The following MATN2 variants were observed in gnomAD, a reference collection of about 807,000 sequenced individuals.
MATN2 encodes matrilin 2, also known as matrilin-2.
MATN2 carries 69 observed loss-of-function variants against 103.2 expected under a neutral mutation model. The ratio of observed to expected loss-of-function variants is 0.67; its 90% CI spans 0.55 to 0.82. MATN2 has a LOEUF of 0.82. Among genes scored for constraint, MATN2 ranks in the 40% least tolerant of loss-of-function variants. The pLI is 0.00. For synonymous variants in MATN2, 429 were observed against 450.2 expected (o/e 0.95, Z 0.60); for missense variants, 1,023 against 1,211.5 (o/e 0.84, Z 2.31).
chr8:97,939,575 C>T (rs1228382354), intron 3 of MATN2, among the ~76,000 whole-genome samples: 2 of 152,020 alleles, frequency 1.3e-5, no homozygotes, highest in Non-Finnish European at 2.9e-5. Context: ...ACTGGAGCCC[C>T]GGAGATTGAG....
chr8:97,873,058 G>T (rs60717397), intron 1 of MATN2, among the ~76,000 whole-genome samples: 3 of 152,148 alleles, frequency 2.0e-5, no homozygotes, highest in African/African-American at 7.2e-5. Context: ...TCCTCCCAAA[G>T]TCCTGGGATC....
In MATN2 at chr8:98,005,777, G is replaced by A. The variant is rs1812947040; in HGVS notation, c.1328-1328G>A. On this transcript the variant is annotated intron_variant, in intron 8 of 18. Transcript: ENST00000254898. This position sits in a 1 kb window ranked among gnomAD's most constrained non-coding sequence, Gnocchi z 4.6. ...TGCATCCTCACAGCCGCCCTACTGG[G>A]CACCCACATTCTTGTCGCTATTTAA... 6.6e-6 allele frequency among the ~76,000 whole-genome samples: 1 copy of A among 152,166 alleles called. No homozygotes were observed. Among genetic ancestry groups the A allele is most frequent in the African/African-American group, 2.4e-5 (1 of 41,444 alleles).
intron 6 of MATN2, among the ~76,000 whole-genome samples, chr8:97,988,823 A>G (rs1290598187): frequency 1.3e-5 from 2 of 152,226 alleles, no homozygotes; most frequent in Non-Finnish European, 2.9e-5. Context: ...AAGAAAGAAC[A>G]ATTTTCAACT....
chr8:97,954,496 G>A (rs915966238), intron 4 of MATN2, among the ~76,000 whole-genome samples: 3 of 152,188 alleles, frequency 2.0e-5, no homozygotes, highest in Admixed American at 2.0e-4. Flanking sequence ...TTTCCATGGT[G>A]TAAATACTCC....
intron 3 of MATN2, among the ~76,000 whole-genome samples, chr8:97,933,263 G>T (rs1363125440): frequency 6.6e-6 from 1 of 152,194 alleles, no homozygotes; most frequent in Non-Finnish European, 1.5e-5. Context: ...GCCTAAGTCA[G>T]CTGGAACACT....
intron 6 of MATN2, among the ~76,000 whole-genome samples, chr8:97,990,179 C>CAAAAA (rs34924183): frequency 7.1e-4 from 32 of 45,204 alleles, no homozygotes; most frequent in Admixed American, 1.2e-3. Context: ...AAGACTCTGT[C>CAAAAA]AAAAAAAAAA....
intron 5 of MATN2, among the ~76,000 whole-genome samples, chr8:97,973,445 T>C (rs200619338): frequency 2.0e-5 from 3 of 152,136 alleles, no homozygotes; most frequent in Non-Finnish European, 2.9e-5. Context: ...AAACTATATA[T>C]GCAAACCCAC....
intron 4 of MATN2, among the ~76,000 whole-genome samples, chr8:97,943,125 G>A (rs968240674): frequency 3.9e-5 from 6 of 152,028 alleles, no homozygotes; most frequent in Non-Finnish European, 5.9e-5. Context: ...CACTCCCACC[G>A]AATACTCATG....
At chr8:98,021,679 T>TA (rs397778924) in intron 13 of MATN2, among the ~76,000 whole-genome samples, 3,176 of 132,270 alleles carry the variant, frequency 0.024, 90 homozygotes, top group African/African-American at 0.077. Flanking sequence ...AGTTTAAACA[T>TA]AAAAAAAAAA....
chr8:97,983,561 G>A (rs1296735452), intron 6 of MATN2, among the ~76,000 whole-genome samples: 2 of 152,188 alleles, frequency 1.3e-5, no homozygotes, highest in African/African-American at 2.4e-5. Context: ...TGGTAGCAAG[G>A]AGACTGTGGG....
In MATN2 at chr8:98,016,821, T is replaced by C. The variant is rs138549465; in HGVS notation, c.1696+159T>C. Among the ~76,000 whole-genome samples the C allele has an allele frequency of 1.9e-3, 292 of 152,180 alleles. 2 individuals carry two copies. Among genetic ancestry groups the C allele is most frequent in the African/African-American group, 6.8e-3 (282 of 41,500 alleles). ...AGGACCCTGAAAGAGAAAATGGACATTAGGGAAAAAATAAGTAAATGTCAA... is the reference window on the plus strand; with the variant it reads ...AGGACCCTGAAAGAGAAAATGGACACTAGGGAAAAAATAAGTAAATGTCAA... On this transcript the variant is annotated intron_variant, in intron 11 of 18. Coordinates refer to ENST00000254898, the MANE Select transcript of MATN2 (RefSeq NM_002380.5).
intron 5 of MATN2, among the ~76,000 whole-genome samples, chr8:97,978,171 G>C (rs2512046): frequency 6.6e-6 from 1 of 151,956 alleles, no homozygotes; most frequent in African/African-American, 2.4e-5. Context: ...GACCTGGCCC[G>C]TAGTAGGTAC....
At chr8:97,959,091 C>G (rs1383484824) in intron 4 of MATN2, among the ~76,000 whole-genome samples, 1 of 152,200 alleles carries the variant, frequency 6.6e-6, no homozygotes, top group Non-Finnish European at 1.5e-5. Context: ...CTTGGCACTT[C>G]TCTTAGGGAT....
intron 4 of MATN2, among the ~76,000 whole-genome samples, chr8:97,944,818 T>C (rs1303671790): frequency 6.6e-6 from 1 of 152,188 alleles, no homozygotes; most frequent in Non-Finnish European, 1.5e-5. Flanking sequence ...AGAGGAGGCA[T>C]GTACTCCACT....
intron 3 of MATN2, among the ~76,000 whole-genome samples, chr8:97,941,179 A>AG (rs1810548178): frequency 4.9e-5 from 6 of 121,720 alleles, no homozygotes; most frequent in Non-Finnish European, 8.6e-5. Context: ...AAAAAAAAAA[A>AG]AAAAAAGAAA....
At chr8:97,960,104 G>A (rs532697315) in intron 4 of MATN2, among the ~76,000 whole-genome samples, 4 of 152,156 alleles carry the variant, frequency 2.6e-5, no homozygotes, top group African/African-American at 9.6e-5. Context: ...TTACAGGCGC[G>A]TGCCACCACG....
chr8:98,025,236 CAGA>C (rs1813744179), intron 13 of MATN2: 1 of 152,050 alleles, frequency 6.6e-6, no homozygotes, highest in African/African-American at 2.4e-5. Context: ...AATGGAGAAA[CAGA>C]AGAACCCAAT....
chr8:97,925,042 G>A (rs2130120505), intron 2 of MATN2, among the ~76,000 whole-genome samples: 2 of 152,236 alleles, frequency 1.3e-5, no homozygotes, highest in South Asian at 4.2e-4. Context: ...AACAATTTGT[G>A]AATCGGGCAG....
Position 97,949,204 on chromosome 8 carries a change from C to T in MATN2, c.835+7305C>T, listed in dbSNP as rs555722544. Among the ~76,000 whole-genome samples the T allele has an allele frequency of 1.9e-4, 28 of 145,246 alleles. No individual in the cohort carries two copies. In the South Asian group the frequency reaches 3.3e-3, roughly 17 times the overall value. ...TTTTTTTTTGAGACAGAGTCTTGCT[C>T]TGTCGCCCAGGCTGGAGTGCAGTGG... On this transcript the variant is annotated intron_variant, in intron 4 of 18. Coordinates refer to ENST00000254898, the MANE Select transcript of MATN2 (RefSeq NM_002380.5).
Sources: allele counts gnomAD v4.1 joint callset (sites outside exome capture counted in the v4.1 genomes callset), GRCh38; gene constraint gnomAD v4.1.1; non-coding constraint Gnocchi (gnomAD v3.1); transcripts MANE v1.5; gene names NCBI Gene and HGNC (gene_info 2026-07-23, HGNC 2026-07-21).